Variants in ANKS1A observed in about 807,000 individuals in gnomAD.
ANKS1A encodes ankyrin repeat and sterile alpha motif domain containing 1A.
In ANKS1A, 55 loss-of-function variants were observed where a neutral mutation model predicts 120.3. The observed-to-expected ratio is 0.46, with a 90% CI of 0.37 to 0.57. The LOEUF (loss-of-function observed/expected upper bound fraction) is 0.57, where lower values mean the gene tolerates loss of function less well. ANKS1A is among the 20% of genes least tolerant of loss of function. The pLI, the probability that ANKS1A is intolerant of heterozygous loss-of-function variation, is 0.00. For missense variants in ANKS1A, 1,123 were observed against 1,480.3 expected (o/e 0.76, Z 3.96); for synonymous variants, 590 against 604.7 (o/e 0.98, Z 0.36).
At chr6:34,901,915 A>G (rs1767368757) in intron 1 of ANKS1A, among the ~76,000 whole-genome samples, 1 of 152,250 alleles carries the variant, frequency 6.6e-6, no homozygotes, top group East Asian at 1.9e-4. Flanking sequence ...AAGTATAAGG[A>G]GAAGGTAGTA....
rs139661429 is a variant in ANKS1A at position 34,926,574 on chromosome 6, A to T, written c.197+36975A>T. On this transcript the variant is annotated intron_variant, in intron 1 of 23. Coordinates refer to ENST00000360359, the MANE Select transcript of ANKS1A (RefSeq NM_015245.3). ...GGCTGTGGACTTTGAGGTGCAAAGTATGCAGACAAAGACAGACAAAGTGTG... is the reference window on the plus strand; with the variant it reads ...GGCTGTGGACTTTGAGGTGCAAAGTTTGCAGACAAAGACAGACAAAGTGTG... Among the ~76,000 whole-genome samples, 262 of 152,346 alleles carry T rather than the reference A, an allele frequency of 1.7e-3. 1 individual carries two copies. The highest frequency in any genetic ancestry group is 0.014 in the Middle Eastern group (4 of 294).
chr6:34,983,232 T>C lies in ANKS1A; in HGVS notation c.910+18T>C, dbSNP rs1264307312. The C allele has an allele frequency of 6.2e-7, 1 of 1,613,274 alleles. No homozygotes were observed. The highest frequency in any genetic ancestry group is 1.7e-5 in the Admixed American group (1 of 60,026). On this transcript the variant is annotated intron_variant, in intron 6 of 23. Coordinates refer to ENST00000360359, the MANE Select transcript of ANKS1A (RefSeq NM_015245.3). Reference sequence around the variant, plus strand: ...AATTGAAGGTATCATCCTTTCTCCCTGTCTGGGTGACCAGGGGACACACGA... The same window carrying C: ...AATTGAAGGTATCATCCTTTCTCCCCGTCTGGGTGACCAGGGGACACACGA...
intron 13 of ANKS1A, among the ~76,000 whole-genome samples, chr6:35,076,791 G>A (rs145712732): frequency 0.012 from 1,789 of 152,070 alleles, 18 homozygotes; most frequent in Non-Finnish European, 0.018. Flanking sequence ...CACCACGCCC[G>A]GCTAATTTTT....
At chr6:34,903,756 C>A (rs1767492254) in intron 1 of ANKS1A, among the ~76,000 whole-genome samples, 1 of 152,274 alleles carries the variant, frequency 6.6e-6, no homozygotes, top group South Asian at 2.1e-4. Flanking sequence ...ACCTTGTGAG[C>A]CACCCGCCTC....
intron 1 of ANKS1A, among the ~76,000 whole-genome samples, chr6:34,964,559 T>G (rs1364840252): frequency 6.6e-6 from 1 of 152,250 alleles, no homozygotes; most frequent in Non-Finnish European, 1.5e-5. Context: ...CCAATTTGTT[T>G]TCTTTCCTTT....
intron 12 of ANKS1A, among the ~76,000 whole-genome samples, chr6:35,055,477 G>A (rs1420135024): frequency 6.6e-6 from 1 of 152,044 alleles, no homozygotes; most frequent in South Asian, 2.1e-4. Context: ...TTACAGGCAT[G>A]TAACACCACG....
rs34851777 is a variant in ANKS1A at position 34,936,061 on chromosome 6, CAAAAAAA to C, written c.198-31159_198-31153del. On this transcript the variant is annotated intron_variant, in intron 1 of 23. Coordinates refer to ENST00000360359, the MANE Select transcript of ANKS1A (RefSeq NM_015245.3). ...TGGGCGACAGAGCGAGACTCCGTCT[CAAAAAAA>C]AAAAAAAAAAAAAAAAAATACTTTC... Among the ~76,000 whole-genome samples, 7 of 36,312 alleles carry C rather than the reference CAAAAAAA, an allele frequency of 1.9e-4. No individual in the cohort carries two copies. The South Asian group carries it at 2.6e-3, about 14-fold the overall frequency. The allele number at this position is 36,312 out of a possible 152,430, so 23.8% of individuals were successfully genotyped here. A position where few individuals can be genotyped will look rare whatever the true frequency, so the allele number is the denominator to read the frequency against.
At chr6:35,038,359 C>T (rs191818708) in intron 11 of ANKS1A, 299 of 456,132 alleles carry the variant, frequency 6.6e-4, no homozygotes, top group African/African-American at 4.9e-3. Context: ...CAGTTTCGAC[C>T]GGTCCACGAT....
intron 1 of ANKS1A, among the ~76,000 whole-genome samples, chr6:34,929,183 T>A (rs1047589462): frequency 6.6e-6 from 1 of 152,228 alleles, no homozygotes; most frequent in Non-Finnish European, 1.5e-5. Flanking sequence ...ATGGAGTAAG[T>A]AAGGAATGAG....
At chr6:34,893,455 G>GT (rs1373754173) in intron 1 of ANKS1A, among the ~76,000 whole-genome samples, 1 of 152,148 alleles carries the variant, frequency 6.6e-6, no homozygotes, top group African/African-American at 2.4e-5. Context: ...TTTAAATGGT[G>GT]TTTTTTCATG....
At chr6:35,092,256 C>A (rs566588102), downstream of ANKS1A, among the ~76,000 whole-genome samples, 1 of 152,194 alleles carries the variant, frequency 6.6e-6, no homozygotes, top group South Asian at 2.1e-4. Context: ...TAGCACTGAA[C>A]GCTTTTATTC....
chr6:35,097,843 G>C, the ANKS1A span, among the ~76,000 whole-genome samples: 6 of 152,070 alleles, frequency 3.9e-5, no homozygotes, highest in Non-Finnish European at 5.9e-5. Flanking sequence ...CAAACTCTTT[G>C]AAACAGAAAA....
chr6:34,995,579 CCCTTATTTCTCACAA>C (rs1430730888), intron 10 of ANKS1A, among the ~76,000 whole-genome samples: 1 of 152,302 alleles, frequency 6.6e-6, no homozygotes, highest in East Asian at 1.9e-4. Flanking sequence ...CCTCTACCTT[CCCTTATTTCTCACAA>C]CCACTGCTCT....
chr6:34,891,951 C>T (rs1348762285), intron 1 of ANKS1A, among the ~76,000 whole-genome samples: 2 of 152,176 alleles, frequency 1.3e-5, no homozygotes, highest in Non-Finnish European at 2.9e-5. Flanking sequence ...TCTTAGTGCG[C>T]TCACTCGGAG....
intron 1 of ANKS1A, among the ~76,000 whole-genome samples, chr6:34,900,945 G>T (rs574829797): frequency 6.6e-6 from 1 of 152,184 alleles, no homozygotes; most frequent in Admixed American, 6.5e-5. Flanking sequence ...GAGAATGTGG[G>T]GGACTTCCCT....
chr6:35,054,267 G>T, intron 12 of ANKS1A, 102 bp downstream of exon 12: 1 of 1,123,894 alleles, frequency 8.9e-7, no homozygotes. Context: ...CAGTGGGTGG[G>T]AGAGGTCAGC....
In ANKS1A at chr6:34,981,700, A is replaced by G. The variant is rs932630393; in HGVS notation, c.446A>G (p.Asn149Ser). The G allele has an allele frequency of 1.3e-5, 21 of 1,613,878 alleles. No individual in the cohort carries two copies. The highest frequency in any genetic ancestry group is 2.7e-5 in the African/African-American group (2 of 74,894). The change falls in exon 4 of 24, where the codon AAC becomes AGC. Residue 149 changes from asparagine (N) to serine (S), a missense_variant. Asn to Ser is a conservative substitution (Grantham distance 46). Transcript: ENST00000360359. ...HTRVNEQNND[N>S]ETALHCAAQY... ...TTGTTAACCCTTTAGAACAATGACA[A>G]CGAGACAGCCCTGCATTGTGCAGCG...
At chr6:34,914,597 CAG>C (rs1433953044) in intron 1 of ANKS1A, among the ~76,000 whole-genome samples, 1 of 152,040 alleles carries the variant, frequency 6.6e-6, no homozygotes, top group African/African-American at 2.4e-5. Flanking sequence ...ATGGGTGAAA[CAG>C]AGTTAAAGGA....
At chr6:35,075,511 G>A (rs1358435045) in intron 13 of ANKS1A, among the ~76,000 whole-genome samples, 1 of 151,576 alleles carries the variant, frequency 6.6e-6, no homozygotes, top group Non-Finnish European at 1.5e-5. Flanking sequence ...CGCCTCCTGG[G>A]TTCAAGCGAT....
Sources: gnomAD v4.1 joint callset for allele counts (sites outside exome capture counted in the v4.1 genomes callset) on GRCh38, gnomAD v4.1.1 for gene constraint, MANE v1.5 for transcripts, NCBI Gene and HGNC (gene_info 2026-07-23, HGNC 2026-07-21) for gene names.